The following RRP12 variants were observed in gnomAD, a reference collection of about 807,000 sequenced individuals.
The protein encoded by RRP12 is RRP12-like protein.
In RRP12, 78 loss-of-function variants were observed where a neutral mutation model predicts 157.3. The observed-to-expected ratio is 0.50, with a 90% CI of 0.41 to 0.60. The LOEUF (loss-of-function observed/expected upper bound fraction) is 0.60, where lower values mean the gene tolerates loss of function less well. Ranked by LOEUF, RRP12 falls within the 20% of genes least tolerant of loss-of-function variation. RRP12 has a pLI of 0.00. For missense variants in RRP12, 1,521 were observed against 1,679.9 expected (o/e 0.91, Z 1.65); for synonymous variants, 726 against 670.9 (o/e 1.08, Z -1.27).
In RRP12 at chr10:97,381,842, G is replaced by T. The variant is rs374021431; in HGVS notation, c.1209-16C>A. On this transcript the variant is annotated splice_polypyrimidine_tract_variant and intron_variant, in intron 10 of 33. Transcript: ENST00000370992. ...CCACTGCAACCTGTCAAGACAAAAGGTTTCTGTGGGGCCTGGCCTGAGCCC... is the reference window on the plus strand; with the variant it reads ...CCACTGCAACCTGTCAAGACAAAAGTTTTCTGTGGGGCCTGGCCTGAGCCC... The T allele has an allele frequency of 7.1e-5, 113 of 1,598,178 alleles. No homozygotes were observed. The highest frequency in any genetic ancestry group is 8.4e-5 in the Non-Finnish European group (98 of 1,166,280).
At chr10:97,370,370 A>C in intron 23 of RRP12, 85 bp downstream of exon 23, 4 of 1,350,952 alleles carry the variant, frequency 3.0e-6, no homozygotes, top group Non-Finnish European at 3.1e-6. Context: ...GCCAGGGCAC[A>C]GAGCTCTCCC....
At chr10:97,380,551 T>C (rs1263189038) in intron 13 of RRP12, among the ~76,000 whole-genome samples, 1 of 152,162 alleles carries the variant, frequency 6.6e-6, no homozygotes, top group African/African-American at 2.4e-5. Context: ...ATAGACTCCC[T>C]AAGTTTCAAA....
chr10:97,375,146 C>T (rs4917769), intron 15 of RRP12, among the ~76,000 whole-genome samples: 7,691 of 151,720 alleles, frequency 0.051, 253 homozygotes, highest in East Asian at 0.12. Flanking sequence ...TTTGTAGAGA[C>T]GGAGGTCTCA....
In RRP12 at chr10:97,367,096, G is replaced by A. The variant is rs770587446; in HGVS notation, c.2992C>T (p.Arg998Trp). 9 of 1,614,154 alleles carry A rather than the reference G, an allele frequency of 5.6e-6. No individual in the cohort carries two copies. The East Asian group carries it at 1.1e-4, about 20-fold the overall frequency. ...TTCCGAAGCTTCATGCGGAAGTGCC[G>A]CCGCATGTCATCTGAAAGCTTCCCA... ...AIGKLSDDMR[R>W]HFRMKLRNLF... The change falls in exon 26 of 34, where the codon CGG becomes TGG. Residue 998 changes from arginine (R) to tryptophan (W), a missense_variant. Arg to Trp is a moderately radical substitution (Grantham distance 101, BLOSUM62 -3). Coordinates refer to ENST00000370992, the MANE Select transcript of RRP12 (RefSeq NM_015179.4).
At position 97,357,285 on chromosome 10, in the gene RRP12, G is replaced by A. The variant is rs1488373030; in HGVS notation, c.3792-89C>T. The A allele has an allele frequency of 5.0e-6, 4 of 796,644 alleles. No homozygotes were observed. The Admixed American group carries it at 1.0e-4, about 20-fold the overall frequency. 49.3% of individuals were successfully genotyped at this position (796,644 alleles called of 1,614,324 possible). Reference sequence around the variant, plus strand: ...AAATGATGGCTCACCCCCAGCGCCAGCAGGGATGAGAAGGGGGCCTCCAGG... The same window carrying A: ...AAATGATGGCTCACCCCCAGCGCCAACAGGGATGAGAAGGGGGCCTCCAGG... On this transcript the variant is annotated intron_variant, in intron 33 of 33. Transcript: ENST00000370992.
intron 29 of RRP12, 66 bp from the exon 30 acceptor site, chr10:97,363,969 G>T: frequency 6.8e-7 from 1 of 1,463,148 alleles, no homozygotes; most frequent in Non-Finnish European, 9.6e-7. Flanking sequence ...CTTTCCTTCT[G>T]CCCCCTCCTG....
intron 15 of RRP12, among the ~76,000 whole-genome samples, chr10:97,377,325 T>A (rs1463867763): frequency 2.0e-5 from 3 of 150,236 alleles, no homozygotes; most frequent in African/African-American, 7.3e-5. Context: ...GAGACCAGCC[T>A]GGCCAACATG....
At chr10:97,371,147 A>T (rs1844142473) in intron 20 of RRP12, 66 bp from the exon 21 acceptor site, 2 of 1,532,764 alleles carry the variant, frequency 1.3e-6, no homozygotes, top group Non-Finnish European at 1.8e-6. Context: ...TCCACGGAGC[A>T]TCCCCCAGCA....
chr10:97,381,727 C>T lies in RRP12; in HGVS notation c.1308G>A (p.Thr436=), dbSNP rs12218483. The change falls in exon 11 of 34, where the codon ACG becomes ACA. Residue 436 remains threonine (T), a synonymous_variant. Transcript: ENST00000370992. The stretch of plus-strand genomic sequence containing the variant: ...AAAGTTGCAGTACCTTGAGGCTCTG[C>T]GTAGCAGCAGTCAGCACTTGCGAGT... The part of the protein sequence containing the change: ...SPHSQVLTAA[T]QSLKEILKEC... 0.26 allele frequency: 418,451 copies of T among 1,612,364 alleles called. 55,890 individuals are homozygous for T. The highest frequency in any genetic ancestry group is 0.32 in the South Asian group (29,563 of 91,034).
chr10:97,388,607 C>G lies in RRP12; in HGVS notation c.771G>C (p.Gln257His). 6.2e-7 allele frequency: 1 copy of G among 1,614,088 alleles called. No homozygotes were observed. The highest frequency in any genetic ancestry group is 8.5e-7 in the Non-Finnish European group (1 of 1,179,942). ...CCTTGAGGACTGAGCATACTCCATGCTGGGCAGCCTTCCGGATCTGAGGGG... is the reference window on the plus strand; with the variant it reads ...CCTTGAGGACTGAGCATACTCCATGGTGGGCAGCCTTCCGGATCTGAGGGG... The part of the protein sequence containing the change: ...HPKPKIRKAA[Q>H]HGVCSVLKGS... Residue 257 changes from glutamine to histidine, a missense_variant, in exon 7 of 34, where the codon CAG becomes CAC. Gln to His is a conservative substitution (Grantham distance 24). Coordinates refer to ENST00000370992, the MANE Select transcript of RRP12 (RefSeq NM_015179.4).
chr10:97,393,736 A>G lies in RRP12; in HGVS notation c.478T>C (p.Ser160Pro). The G allele has an allele frequency of 2.5e-6, 4 of 1,613,892 alleles. No homozygotes were observed. The highest frequency in any genetic ancestry group is 3.4e-6 in the Non-Finnish European group (4 of 1,179,964). Residue 160 changes from serine to proline, a missense_variant, in exon 4 of 34, where the codon TCC becomes CCC. Transcript: ENST00000370992. ...ALMTTMEAVE[S>P]PESLAAVAYL... ...GCAACGGCGGCCAGGGACTCCGGGG[A>G]CTCCACTGCTTCCATTGTTGTCATC...
chr10:97,360,543 C>T lies in RRP12; in HGVS notation c.3640+3G>A, dbSNP rs577900784. On this transcript the variant is annotated splice_donor_region_variant and intron_variant, in intron 31 of 33. Coordinates refer to ENST00000370992, the MANE Select transcript of RRP12 (RefSeq NM_015179.4). ...TCCCAGGAGAGAGGAGTGGAAGCCTCACCTTGGTACTGAGGGGGTATCTCC... is the reference window on the plus strand; with the variant it reads ...TCCCAGGAGAGAGGAGTGGAAGCCTTACCTTGGTACTGAGGGGGTATCTCC... 6 of 1,610,854 alleles carry T rather than the reference C, an allele frequency of 3.7e-6. No homozygotes were observed. Among genetic ancestry groups the T allele is most frequent in the East Asian group, 2.2e-5 (1 of 44,866 alleles).
downstream of RRP12, chr10:97,356,564 T>C (rs1843720264): frequency 6.6e-6 from 1 of 152,352 alleles, no homozygotes. Context: ...GCCTGTCCTA[T>C]GGGCAAAGCC....
intron 8 of RRP12, among the ~76,000 whole-genome samples, chr10:97,386,632 TA>T (rs1360821881): frequency 6.6e-6 from 1 of 152,208 alleles, no homozygotes; most frequent in Non-Finnish European, 1.5e-5. Context: ...TTTTCCCTTT[TA>T]AACAATGATC....
Position 97,390,515 on chromosome 10 carries a change from G to C in RRP12, c.661C>G (p.Leu221Val), listed in dbSNP as rs777307471. Residue 221 changes from leucine to valine, a missense_variant, in exon 6 of 34, where the codon CTG (leucine) becomes GTG (valine). By Grantham distance (32) the Leu-to-Val change is conservative. Transcript: ENST00000370992. ...CAGGCCTCCAGGTCTTGCTTCCGCA[G>C]AAGGGTGGCCAGGCAGGAAAGGACC... The part of the protein sequence containing the change: ...RWVLSCLATL[L>V]RKQDLEAWGY... 6.2e-7 allele frequency: 1 copy of C among 1,613,948 alleles called. No homozygotes were observed. The highest frequency in any genetic ancestry group is 8.5e-7 in the Non-Finnish European group (1 of 1,179,888).
chr10:97,370,255 G>T lies in RRP12; in HGVS notation c.2709C>A (p.Leu903=). The T allele has an allele frequency of 1.3e-6, 2 of 1,598,718 alleles. No individual in the cohort carries two copies. The highest frequency in any genetic ancestry group is 1.7e-6 in the Non-Finnish European group (2 of 1,173,122). Reference sequence around the variant, plus strand: ...CCACCAGGCCAGGGTAGATCAGGACGAGGTAGCACTGCAGGGCCTCTGGGG... The same window carrying T: ...CCACCAGGCCAGGGTAGATCAGGACTAGGTAGCACTGCAGGGCCTCTGGGG... ...SNQEEALQCY[L]VLIYPGLVGA... The change falls in exon 24 of 34, where the codon CTC becomes CTA. Residue 903 remains leucine, a synonymous_variant. Transcript: ENST00000370992.
chr10:97,389,026 G>C (rs1407217360), intron 6 of RRP12, among the ~76,000 whole-genome samples: 2 of 152,186 alleles, frequency 1.3e-5, no homozygotes, highest in East Asian at 3.8e-4. Flanking sequence ...CCAGCTGGGA[G>C]GCAGAAAACA....
At chr10:97,380,704 G>T in intron 13 of RRP12, 95 bp downstream of exon 13, 1 of 872,410 alleles carries the variant, frequency 1.1e-6, no homozygotes, top group Non-Finnish European at 1.9e-6. Flanking sequence ...GTGCGGAGCA[G>T]GGTGCAGAGA....
intron 29 of RRP12, among the ~76,000 whole-genome samples, chr10:97,365,120 C>A (rs80294754): frequency 0.023 from 3,432 of 152,170 alleles, 141 homozygotes; most frequent in African/African-American, 0.077. Context: ...TAAGGAGAGG[C>A]TGACCGAGCG....
Sources: allele counts gnomAD v4.1 joint callset (sites outside exome capture counted in the v4.1 genomes callset), GRCh38; gene constraint gnomAD v4.1.1; transcripts MANE v1.5; gene names NCBI Gene and HGNC (gene_info 2026-07-23, HGNC 2026-07-21).